The following NUMB variants were observed in gnomAD, a reference collection of about 807,000 sequenced individuals.
NUMB encodes NUMB endocytic adaptor protein.
Under a neutral mutation model 59.7 loss-of-function variants are expected in NUMB, and 29 were observed. That is an observed-to-expected ratio of 0.49 (90% CI 0.36 to 0.66). The LOEUF is 0.66. NUMB is among the 30% of genes least tolerant of loss of function. The probability of loss-of-function intolerance (pLI) is 0.00; values close to 1 mark genes in which losing one functional copy is unlikely to be tolerated. For missense variants in NUMB, 723 were observed against 822.0 expected (o/e 0.88, Z 1.47); for synonymous variants, 288 against 288.2 (o/e 1.00, Z 0.01).
At position 73,319,947 on chromosome 14, in the gene NUMB, C is replaced by T. The variant is rs1020450335; in HGVS notation, c.201+3183G>A. On this transcript the variant is annotated intron_variant, in intron 5 of 12. Transcript: ENST00000555238. Reference sequence around the variant, plus strand: ...GAATTCAAGACCACCCTGGCCAACACGGTGAAACTCTGTCTCTACTAAAAA... The same window carrying T: ...GAATTCAAGACCACCCTGGCCAACATGGTGAAACTCTGTCTCTACTAAAAA... 1.4e-4 allele frequency among the ~76,000 whole-genome samples: 21 copies of T among 152,076 alleles called. 1 individual carries two copies. The highest frequency in any genetic ancestry group is 2.6e-4 in the Non-Finnish European group (18 of 67,974).
At chr14:73,374,719 C>CTTTTTTTTTTTTTTTTTTTT (rs368185389) in intron 2 of NUMB, among the ~76,000 whole-genome samples, 1 of 119,326 alleles carries the variant, frequency 8.4e-6, no homozygotes. Flanking sequence ...GTTACATTAA[C>CTTTTTTTTTTTTTTTTTTTT]TTTTTTTTTT....
intron 2 of NUMB, among the ~76,000 whole-genome samples, chr14:73,383,700 C>T (rs1188019569): frequency 6.6e-6 from 1 of 152,000 alleles, no homozygotes; most frequent in East Asian, 1.9e-4. Flanking sequence ...TGCTAAAAAC[C>T]GAAGACATTG....
chr14:73,421,384 C>T (rs1311867002), intron 1 of NUMB, among the ~76,000 whole-genome samples: 1 of 151,982 alleles, frequency 6.6e-6, no homozygotes, highest in East Asian at 1.9e-4. Context: ...GGGGTTTCAC[C>T]ATGTTGCCCA....
At chr14:73,316,476 C>G in intron 5 of NUMB, 54 bp from the exon 6 acceptor site, 1 of 1,516,438 alleles carries the variant, frequency 6.6e-7, no homozygotes, top group Non-Finnish European at 9.1e-7. Context: ...CTAAATGTCC[C>G]AGAGTTTCAC....
At chr14:73,451,724 A>G (rs2140210554) in intron 1 of NUMB, among the ~76,000 whole-genome samples, 1 of 152,364 alleles carries the variant, frequency 6.6e-6, no homozygotes, top group Non-Finnish European at 1.5e-5. Context: ...TCCAAAGTCA[A>G]AGGTAACCAA....
chr14:73,354,387 T>C (rs1000492295), intron 4 of NUMB, among the ~76,000 whole-genome samples: 2 of 151,480 alleles, frequency 1.3e-5, no homozygotes, highest in African/African-American at 4.9e-5. Flanking sequence ...GGTGCATGCC[T>C]GTAGTCCCAG....
At chr14:73,393,948 G>A (rs980776467) in intron 2 of NUMB, among the ~76,000 whole-genome samples, 8 of 152,044 alleles carry the variant, frequency 5.3e-5, no homozygotes, top group Non-Finnish European at 1.2e-4. Flanking sequence ...TTTTTGTTAA[G>A]GTATAGTTGA....
rs773302478 is a variant in NUMB, at chr14:73,275,771, C to CTACT, written c.*803_*806dup. On this transcript the variant is annotated 3_prime_UTR_variant, in exon 13 of 13. Transcript: ENST00000555238. The stretch of plus-strand genomic sequence containing the variant: ...TAAGCATGATTGTTGTTGCAATGTG[C>CTACT]TACTTACAATGAATGACTGACAGAA... 35 of 152,644 alleles carry CTACT rather than the reference C, an allele frequency of 2.3e-4. No individual in the cohort carries two copies. The highest frequency in any genetic ancestry group is 6.2e-4 in the South Asian group (3 of 4,814). The allele number at this position is 152,644 out of a possible 1,614,324, so 9.5% of individuals were successfully genotyped here.
intron 5 of NUMB, among the ~76,000 whole-genome samples, chr14:73,321,839 C>G (rs553575304): frequency 6.6e-6 from 1 of 151,992 alleles, no homozygotes; most frequent in Non-Finnish European, 1.5e-5. Context: ...GTAGGTATGT[C>G]TGTATCTTTT....
intron 2 of NUMB, among the ~76,000 whole-genome samples, chr14:73,381,778 T>C (rs191304729): frequency 6.6e-6 from 1 of 152,296 alleles, no homozygotes; most frequent in Admixed American, 6.5e-5. Flanking sequence ...TAATACTGTT[T>C]TATTATAAAT....
chr14:73,334,122 G>A (rs527404903), intron 4 of NUMB, among the ~76,000 whole-genome samples: 3 of 152,020 alleles, frequency 2.0e-5, no homozygotes, highest in South Asian at 2.1e-4. Context: ...CACAATCTCG[G>A]CTCACTGCAA....
intron 2 of NUMB, among the ~76,000 whole-genome samples, chr14:73,370,717 G>C (rs1894630898): frequency 6.6e-6 from 1 of 151,720 alleles, no homozygotes; most frequent in African/African-American, 2.4e-5. Flanking sequence ...AAAAAATCAG[G>C]TTCTTCTCTG....
chr14:73,448,985 A>G (rs1424545808), intron 1 of NUMB, among the ~76,000 whole-genome samples: 1 of 143,368 alleles, frequency 7.0e-6, no homozygotes, highest in Non-Finnish European at 1.5e-5. Flanking sequence ...TCTTGCATCA[A>G]ATATATTCGG....
intron 2 of NUMB, among the ~76,000 whole-genome samples, chr14:73,405,256 C>A (rs1594998114): frequency 6.6e-6 from 1 of 152,150 alleles, no homozygotes; most frequent in East Asian, 1.9e-4. Context: ...GTGAGTTTAT[C>A]ATTTTTTTCC....
At chr14:73,420,972 C>T (rs1897323617) in intron 1 of NUMB, among the ~76,000 whole-genome samples, 1 of 151,826 alleles carries the variant, frequency 6.6e-6, no homozygotes, top group African/African-American at 2.4e-5. Context: ...GTAAGAGCAA[C>T]AAAATGCGGA....
intron 1 of NUMB, among the ~76,000 whole-genome samples, chr14:73,440,244 T>C (rs1242476670): frequency 1.5e-5 from 2 of 135,226 alleles, no homozygotes; most frequent in African/African-American, 5.6e-5. Flanking sequence ...TCCATATATA[T>C]ATACATCCAT....
chr14:73,448,277 A>C (rs1354758332), intron 1 of NUMB, among the ~76,000 whole-genome samples: 1 of 152,252 alleles, frequency 6.6e-6, no homozygotes, highest in Non-Finnish European at 1.5e-5. Flanking sequence ...TGAGATTTGA[A>C]GTCTATTACA....
intron 6 of NUMB, among the ~76,000 whole-genome samples, chr14:73,310,976 A>G (rs1159248232): frequency 3.9e-5 from 6 of 152,186 alleles, no homozygotes; most frequent in Admixed American, 3.3e-4. Context: ...ATAGCCAACT[A>G]TGAATGAAGC....
chr14:73,386,538 C>T (rs1895531187), intron 2 of NUMB, among the ~76,000 whole-genome samples: 2 of 152,090 alleles, frequency 1.3e-5, no homozygotes, highest in African/African-American at 2.4e-5. Context: ...TATTGGAATA[C>T]AGTGACTACT....
Sources: gnomAD v4.1 joint callset for allele counts (sites outside exome capture counted in the v4.1 genomes callset) on GRCh38, gnomAD v4.1.1 for gene constraint, MANE v1.5 for transcripts, NCBI Gene and HGNC (gene_info 2026-07-23, HGNC 2026-07-21) for gene names.